The following MIER2 variants were observed in gnomAD, a reference collection of about 807,000 sequenced individuals.
MIER2 encodes MIER family member 2.
MIER2 carries 30 observed loss-of-function variants against 67.6 expected under a neutral mutation model. That is an observed-to-expected ratio of 0.44 (90% confidence interval 0.33 to 0.60). MIER2 has a LOEUF of 0.60. MIER2 is among the 20% of genes least tolerant of loss of function. The probability of loss-of-function intolerance (pLI) is 0.02; values close to 1 mark genes in which losing one functional copy is unlikely to be tolerated. For missense variants in MIER2, 702 were observed against 745.1 expected, an observed-to-expected ratio of 0.94 and a Z score of 0.67; for synonymous variants, 372 against 312.6, an observed-to-expected ratio of 1.19 and a Z score of -2.00.
intron 3 of MIER2, among the ~76,000 whole-genome samples, chr19:332,713 C>A (rs973673118): frequency 1.7e-5 from 2 of 116,566 alleles, no homozygotes; most frequent in African/African-American, 6.8e-5. Context: ...GGATTACAGG[C>A]ATGAGCCACT....
chr19:325,037 C>T (rs1284560084), intron 7 of MIER2, among the ~76,000 whole-genome samples: 1 of 152,228 alleles, frequency 6.6e-6, no homozygotes, highest in East Asian at 1.9e-4. Context: ...CGCATCTCAG[C>T]CACTGAATCA....
chr19:335,142 G>T (rs914207885), intron 2 of MIER2, among the ~76,000 whole-genome samples: 1 of 152,236 alleles, frequency 6.6e-6, no homozygotes. Flanking sequence ...CCATTCCTCT[G>T]CATGTTTACT....
At chr19:344,389 G>A in intron 1 of MIER2, 3 of 984,552 alleles carry the variant, frequency 3.0e-6, no homozygotes, top group Non-Finnish European at 3.6e-6. Flanking sequence ...GGGGAGGCCT[G>A]CGCGCCGCGG....
rs1267926272 is a variant in MIER2, at chr19:313,608, T to C, written c.691A>G (p.Ser231Gly). ...TCCACCTCCCTCTCAGGGAGGACGC[T>C]GGGGTCCCAGAGCAGCTGGTCTTCG... ...ENEDQLLWDP[S>G]VLPEREVEEF... The change falls in exon 8 of 14, where the codon AGC becomes GGC. Residue 231 changes from serine (S) to glycine (G), a missense_variant. By Grantham distance (56) the Ser-to-Gly change is moderately conservative. This residue lies in a region of MIER2 where 128 missense variants were observed against 189.7 expected (regional missense o/e 0.67). Coordinates refer to ENST00000264819, the MANE Select transcript of MIER2 (RefSeq NM_017550.3). 2 of 1,613,066 alleles carry C rather than the reference T, an allele frequency of 1.2e-6. No homozygotes were observed. The highest frequency in any genetic ancestry group is 1.7e-5 in the Admixed American group (1 of 60,016).
chr19:313,387 G>A (rs1971100587), intron 8 of MIER2, 105 bp downstream of exon 8: 2 of 1,515,294 alleles, frequency 1.3e-6, no homozygotes. Flanking sequence ...CCTGACCCCT[G>A]CCCTCCCCTC....
In MIER2 at chr19:308,737, G is replaced by A. The variant is rs560060035; in HGVS notation, c.1109+64C>T. ...CCCACCCAAGAGGTGCCGCCCAGGC[G>A]CCCACGTGCCCACCCCCGGCGGGGT... On this transcript the variant is annotated intron_variant, in intron 11 of 13. Transcript: ENST00000264819. The surrounding 1 kb of genome is among the most constrained non-coding windows in gnomAD (Gnocchi z 9.1). The A allele has an allele frequency of 1.3e-3, 2,025 of 1,592,050 alleles. 25 individuals carry two copies. The African/African-American group carries it at 0.024, about 19-fold the overall frequency.
In MIER2 at chr19:306,609, G is replaced by C. The variant is rs1184421610; in HGVS notation, c.*81C>G. 1.3e-6 allele frequency: 2 copies of C among 1,529,374 alleles called. No homozygotes were observed. The highest frequency in any genetic ancestry group is 2.8e-5 in the African/African-American group (2 of 72,550). 94.7% of individuals were successfully genotyped at this position (1,529,374 alleles called of 1,614,324 possible). ...CCCCAAGGCCCGGGGGGTGGGGAAG[G>C]GGTCAGGAAGACTGACAGAGGCGGG... is the stretch of plus-strand genomic sequence containing the variant. On this transcript the variant is annotated 3_prime_UTR_variant, in exon 14 of 14. Coordinates refer to ENST00000264819, the MANE Select transcript of MIER2 (RefSeq NM_017550.3).
At position 306,701 on chromosome 19, in the gene MIER2, T is replaced by A. The variant is rs1355741174; in HGVS notation, c.1627A>T (p.Met543Leu). Residue 543 changes from methionine (M) to leucine (L), a missense_variant, in exon 14 of 14, where the codon ATG (methionine) becomes TTG (leucine). Met to Leu is a conservative substitution (Grantham distance 15). Transcript: ENST00000264819. ...HSEPLSHCNV[M>L]TC ...CCCGCGGCCAGGAGTCAGCAGGTCA[T>A]CACGTTACAGCTGCAGGGGAGAGAC... is the stretch of plus-strand genomic sequence containing the variant. 3.1e-5 allele frequency: 48 copies of A among 1,560,736 alleles called. No individual in the cohort carries two copies. The highest frequency in any genetic ancestry group is 4.2e-5 in the Non-Finnish European group (48 of 1,152,528).
At chr19:314,398 G>C (rs1373451053) in intron 7 of MIER2, among the ~76,000 whole-genome samples, 2 of 152,116 alleles carry the variant, frequency 1.3e-5, no homozygotes, top group Non-Finnish European at 2.9e-5. Context: ...CTCAGGGCCA[G>C]GTCTGGCAAG....
chr19:329,759 T>C (rs1971933466), intron 3 of MIER2, among the ~76,000 whole-genome samples: 1 of 151,356 alleles, frequency 6.6e-6, no homozygotes, highest in Non-Finnish European at 1.5e-5. Context: ...GGTGGTGGGT[T>C]CCTGTAATCC....
rs778590315 is a variant in MIER2, at chr19:307,388, C to T, written c.1347G>A (p.Leu449=). ...CTGGCTGGTATGAGGCTGGGTCGGC[C>T]AGGGCTGGGGGCCGATGGGACAGGG... ...AVPLSHRPPA[L]ADPASYQPAV... The change falls in exon 13 of 14, where the codon CTG becomes CTA. Residue 449 remains leucine (L), a synonymous_variant. Coordinates refer to ENST00000264819, the MANE Select transcript of MIER2 (RefSeq NM_017550.3). 1 of 1,607,526 alleles carries T rather than the reference C, an allele frequency of 6.2e-7. No homozygotes were observed. Among genetic ancestry groups the T allele is most frequent in the Non-Finnish European group, 8.5e-7 (1 of 1,178,182 alleles).
chr19:334,634 A>T, intron 2 of MIER2, 92 bp from the exon 3 acceptor site: 1 of 1,509,784 alleles, frequency 6.6e-7, no homozygotes, highest in Non-Finnish European at 8.9e-7. Context: ...AGCCCTAAGG[A>T]TGAGGCCCTC....
chr19:326,944 A>G (rs1971779365), intron 5 of MIER2, 189 bp downstream of exon 5: 2 of 734,138 alleles, frequency 2.7e-6, no homozygotes, highest in Non-Finnish European at 4.2e-6. Flanking sequence ...TCGCTCTGAG[A>G]GTCCAGGCTC....
rs1971994176 is a variant in MIER2, at chr19:330,903, C to T, written c.244-2914G>A. On this transcript the variant is annotated intron_variant, in intron 3 of 13. Transcript: ENST00000264819. ...GATTCCACTCCACAACTACTCTCTA[C>T]AAAACTATCACTTGATGGGTTTTGC... Among the ~76,000 whole-genome samples the T allele has an allele frequency of 4.6e-5, 7 of 152,294 alleles. No individual in the cohort carries two copies. In the South Asian group the frequency reaches 1.2e-3, roughly 27 times the overall value.
At chr19:341,338 T>C (rs1338453632) in intron 1 of MIER2, among the ~76,000 whole-genome samples, 4 of 152,110 alleles carry the variant, frequency 2.6e-5, no homozygotes, top group African/African-American at 4.8e-5. Context: ...AGTTAACATA[T>C]GGCCCCAGGA....
chr19:344,674 G>A (rs1398935005), intron 1 of MIER2, 100 bp downstream of exon 1: 2 of 791,316 alleles, frequency 2.5e-6, no homozygotes, highest in Non-Finnish European at 3.2e-6. Flanking sequence ...TCCAGAGCGG[G>A]GCTCTCCGTC....
rs1429972577 is a variant in MIER2 at position 333,105 on chromosome 19, G to A, written c.243+1295C>T. Among the ~76,000 whole-genome samples, 3 of 87,900 alleles carry A rather than the reference G, an allele frequency of 3.4e-5. 1 individual carries two copies. Among genetic ancestry groups the A allele is most frequent in the Non-Finnish European group, 6.2e-5 (3 of 48,498 alleles). 57.7% of individuals were successfully genotyped at this position (87,900 alleles called of 152,430 possible). ...TCTCCCGGGTTCACGTCATTCTCCC[G>A]CCTCAGCCTCCCGAGTAGCTGGGAC... On this transcript the variant is annotated intron_variant, in intron 3 of 13. Transcript: ENST00000264819.
chr19:314,812 G>C (rs757027359), intron 7 of MIER2, among the ~76,000 whole-genome samples: 8 of 152,144 alleles, frequency 5.3e-5, no homozygotes, highest in African/African-American at 1.9e-4. Context: ...AACATTAACC[G>C]GATGTGAGGG....
Position 313,562 on chromosome 19 carries a change from A to C in MIER2, c.737T>G (p.Val246Gly). The C allele has an allele frequency of 6.2e-7, 1 of 1,613,114 alleles. No individual in the cohort carries two copies. Among genetic ancestry groups the C allele is most frequent in the Non-Finnish European group, 8.5e-7 (1 of 1,179,930 alleles). ...GGCCATCTCGTGCCAACGCCGCTTC[A>C]CCGCCCTGTACAGGAACTCCTCCAC... The part of the protein sequence containing the change: ...REVEEFLYRA[V>G]KRRWHEMAGP... Residue 246 changes from valine (V) to glycine (G), a missense_variant, in exon 8 of 14, where the codon GTG becomes GGG. Physicochemically the swap from Val to Gly is moderately radical, Grantham distance 109. Around this residue, in one of 3 missense-constraint regions of MIER2, gnomAD observed 128 missense variants for 189.7 expected, o/e 0.67. Transcript: ENST00000264819.
Sources: gnomAD v4.1 joint callset for allele counts (sites outside exome capture counted in the v4.1 genomes callset) on GRCh38, gnomAD v4.1.1 for gene constraint, gnomAD v4.1.1 regional missense constraint, Gnocchi (gnomAD v3.1) non-coding constraint, MANE v1.5 for transcripts, NCBI Gene and HGNC (gene_info 2026-07-23, HGNC 2026-07-21) for gene names.